KCNIP4: variants seen among roughly 807,000 people sequenced by gnomAD.
The protein encoded by KCNIP4 is Kv channel-interacting protein 4.
A neutral mutation model predicts 34.0 loss-of-function variants in KCNIP4; 12 were observed. The observed-to-expected ratio is 0.35, with a 90% CI of 0.23 to 0.57. The LOEUF is 0.57. KCNIP4 is among the 20% of genes least tolerant of loss of function. KCNIP4 has a pLI of 0.83. For synonymous variants in KCNIP4, 124 were observed against 102.2 expected (o/e 1.21, Z -1.29); for missense variants, 238 against 311.7 (o/e 0.76, Z 1.78).
At chr4:20,795,606 A>G (rs769919875) in intron 3 of KCNIP4, among the ~76,000 whole-genome samples, 7 of 152,142 alleles carry the variant, frequency 4.6e-5, no homozygotes, top group African/African-American at 1.7e-4. Context: ...TCTTGATTCT[A>G]TCTTTTGGGT....
At chr4:20,773,354 C>CG (rs1756082714) in intron 3 of KCNIP4, among the ~76,000 whole-genome samples, 1 of 152,162 alleles carries the variant, frequency 6.6e-6, no homozygotes, top group Admixed American at 6.5e-5. Flanking sequence ...TCAAGGGTCA[C>CG]GGTAGCTGCC....
intron 2 of KCNIP4, among the ~76,000 whole-genome samples, chr4:20,856,384 A>T (rs1351523972): frequency 6.6e-6 from 1 of 152,132 alleles, no homozygotes; most frequent in Non-Finnish European, 1.5e-5. Context: ...TAAGTGTCTC[A>T]TTTCTGAAGC....
At chr4:21,895,787 G>A (rs976992498) in intron 1 of KCNIP4, among the ~76,000 whole-genome samples, 2 of 152,150 alleles carry the variant, frequency 1.3e-5, no homozygotes, top group African/African-American at 4.8e-5. Context: ...CCTCAGATTG[G>A]GAATGGGAAA....
At position 21,362,473 on chromosome 4, in the gene KCNIP4, CAT is replaced by C. The variant is rs1719328994; in HGVS notation, c.62-479766_62-479765del. On this transcript the variant is annotated intron_variant, in intron 1 of 8. Coordinates refer to ENST00000382152, the MANE Select transcript of KCNIP4 (RefSeq NM_025221.6). ...AAGGTATGAGCTTTGGAGTCTAAGA[CAT>C]GTGATTTGAATTATGTTTCTTCCAG... 2.6e-5 allele frequency among the ~76,000 whole-genome samples: 4 copies of C among 152,248 alleles called. No individual in the cohort carries two copies. In the South Asian group the frequency reaches 8.3e-4, roughly 32 times the overall value.
intron 1 of KCNIP4, among the ~76,000 whole-genome samples, chr4:21,943,200 C>T (rs1397081728): frequency 6.6e-6 from 1 of 152,126 alleles, no homozygotes; most frequent in East Asian, 1.9e-4. Context: ...TGAATTCTGC[C>T]TTGTCATTCA....
intron 1 of KCNIP4, among the ~76,000 whole-genome samples, chr4:20,927,615 C>T (rs1362888542): frequency 6.6e-6 from 1 of 152,062 alleles, no homozygotes; most frequent in African/African-American, 2.4e-5. Flanking sequence ...CCTGGAGTAA[C>T]TTTACCCCCA....
rs915524460 is a variant in KCNIP4, at chr4:21,833,194, T to C, written c.61+115377A>G. Among the ~76,000 whole-genome samples, 5 of 151,704 alleles carry C rather than the reference T, an allele frequency of 3.3e-5. 2 individuals carry two copies. Among genetic ancestry groups the C allele is most frequent in the Non-Finnish European group, 7.4e-5 (5 of 67,920 alleles). On this transcript the variant is annotated intron_variant, in intron 1 of 8. Coordinates refer to ENST00000382152, the MANE Select transcript of KCNIP4 (RefSeq NM_025221.6). ...GACTTCCACAATGGTTGAACTAGTT[T>C]ACAGTCCCACCAACAGTGTAGAAGT...
chr4:20,864,345 T>C (rs1383544147), intron 2 of KCNIP4, among the ~76,000 whole-genome samples: 1 of 151,270 alleles, frequency 6.6e-6, no homozygotes, highest in Non-Finnish European at 1.5e-5. Flanking sequence ...TGTAAACATG[T>C]ATGTATAACA....
At position 21,782,515 on chromosome 4, in the gene KCNIP4, G is replaced by A. The variant is rs150702720; in HGVS notation, c.61+166056C>T. On this transcript the variant is annotated intron_variant, in intron 1 of 8. Transcript: ENST00000382152. The stretch of plus-strand genomic sequence containing the variant: ...TTGAAACCAGCCTGAGCTACATGGT[G>A]AGACTCCGTTTCTACAAAATTTTTT... 2.8e-3 allele frequency among the ~76,000 whole-genome samples: 432 copies of A among 152,210 alleles called. 3 individuals are homozygous for A. The highest frequency in any genetic ancestry group is 9.6e-3 in the African/African-American group (400 of 41,510).
intron 1 of KCNIP4, among the ~76,000 whole-genome samples, chr4:21,364,924 C>T (rs1418249488): frequency 2.0e-5 from 3 of 151,872 alleles, no homozygotes; most frequent in Non-Finnish European, 4.4e-5. Flanking sequence ...AAGGACATTG[C>T]AAGTGAATAT....
intron 1 of KCNIP4, among the ~76,000 whole-genome samples, chr4:21,407,921 G>A (rs984274566): frequency 2.9e-4 from 44 of 152,114 alleles, no homozygotes; most frequent in Admixed American, 1.8e-3. Context: ...AAATAAATTT[G>A]CTCATGCATT....
chr4:21,513,643 T>C (rs933960759), intron 1 of KCNIP4, among the ~76,000 whole-genome samples: 1 of 152,226 alleles, frequency 6.6e-6, no homozygotes, highest in African/African-American at 2.4e-5. Flanking sequence ...AGTGGAATAG[T>C]GTAACATAGG....
chr4:21,047,743 T>G (rs1742562220), intron 1 of KCNIP4, among the ~76,000 whole-genome samples: 1 of 152,236 alleles, frequency 6.6e-6, no homozygotes, highest in South Asian at 2.1e-4. Flanking sequence ...AGTCTAAAGC[T>G]AACTTCATGT....
intron 1 of KCNIP4, among the ~76,000 whole-genome samples, chr4:21,530,718 G>A (rs1234650562): frequency 6.6e-6 from 1 of 152,016 alleles, no homozygotes; most frequent in Non-Finnish European, 1.5e-5. Flanking sequence ...AATAAAATAA[G>A]TATATTAATT....
At chr4:20,757,812 G>A (rs1289619384) in intron 4 of KCNIP4, among the ~76,000 whole-genome samples, 1 of 152,132 alleles carries the variant, frequency 6.6e-6, no homozygotes, top group East Asian at 1.9e-4. Flanking sequence ...GGATGGTGAG[G>A]CATGCCAGGG....
intron 3 of KCNIP4, among the ~76,000 whole-genome samples, chr4:20,831,949 C>G (rs962864204): frequency 6.6e-6 from 1 of 152,162 alleles, no homozygotes. Context: ...GGCCAACATA[C>G]GGGAACTCAG....
At chr4:21,194,848 GC>G (rs1309559451) in intron 1 of KCNIP4, among the ~76,000 whole-genome samples, 1 of 152,182 alleles carries the variant, frequency 6.6e-6, no homozygotes, top group Non-Finnish European at 1.5e-5. Context: ...GGAATAAACA[GC>G]TGTCATGTTA....
At chr4:20,889,406 A>C (rs1725668853) in intron 1 of KCNIP4, among the ~76,000 whole-genome samples, 1 of 152,126 alleles carries the variant, frequency 6.6e-6, no homozygotes, top group Non-Finnish European at 1.5e-5. Flanking sequence ...TGTTTTCTAT[A>C]AGAATTGTTT....
chr4:21,767,060 G>C (rs891238837), intron 1 of KCNIP4, among the ~76,000 whole-genome samples: 1 of 152,174 alleles, frequency 6.6e-6, no homozygotes, highest in East Asian at 1.9e-4. Flanking sequence ...AAGGGAGTCA[G>C]GGAATCTCTC....
Sources: gnomAD v4.1 joint callset for allele counts (sites outside exome capture counted in the v4.1 genomes callset) on GRCh38, gnomAD v4.1.1 for gene constraint, MANE v1.5 for transcripts, NCBI Gene and HGNC (gene_info 2026-07-23, HGNC 2026-07-21) for gene names.